The following LRMDA variants were observed in gnomAD, a reference collection of about 807,000 sequenced individuals.
The protein encoded by LRMDA is leucine-rich melanocyte differentiation-associated protein.
In LRMDA, 18 loss-of-function variants were observed where a neutral mutation model predicts 29.8. The ratio of observed to expected loss-of-function variants is 0.60; its 90% confidence interval spans 0.42 to 0.90. LRMDA has a LOEUF of 0.90. LRMDA is among the 40% of genes least tolerant of loss of function. The probability of loss-of-function intolerance (pLI) is 0.00; values close to 1 mark genes in which losing one functional copy is unlikely to be tolerated. For synonymous variants in LRMDA, 125 were observed against 109.4 expected (o/e 1.14, Z -0.89); for missense variants, 273 against 273.9 (o/e 1.00, Z 0.02).
intron 6 of LRMDA, among the ~76,000 whole-genome samples, chr10:76,376,865 C>A (rs75237086): frequency 8.4e-5 from 4 of 47,384 alleles, no homozygotes; most frequent in Admixed American, 2.8e-4. Flanking sequence ...ACTTGGAAGT[C>A]TTTTTTTTTT....
chr10:76,492,612 T>C (rs1025155029), intron 6 of LRMDA, among the ~76,000 whole-genome samples: 1 of 152,058 alleles, frequency 6.6e-6, no homozygotes, highest in Admixed American at 6.6e-5. Context: ...CTTGTATTAA[T>C]TCGTTTTCAT....
intron 6 of LRMDA, among the ~76,000 whole-genome samples, chr10:76,357,379 C>T (rs756001150): frequency 6.6e-6 from 1 of 152,128 alleles, no homozygotes; most frequent in Non-Finnish European, 1.5e-5. Context: ...AGGTTGGCAG[C>T]ATGGAAATCT....
At chr10:76,197,692 G>A (rs1305819522) in intron 5 of LRMDA, among the ~76,000 whole-genome samples, 2 of 152,114 alleles carry the variant, frequency 1.3e-5, no homozygotes, top group African/African-American at 4.8e-5. Context: ...GCCAAGGAAG[G>A]CGGATCACTT....
chr10:76,314,837 T>G lies in LRMDA; in HGVS notation c.517-9564T>G, dbSNP rs932399621. Among the ~76,000 whole-genome samples the G allele has an allele frequency of 2.6e-5, 4 of 152,336 alleles. No homozygotes were observed. The South Asian group carries it at 6.2e-4, about 24-fold the overall frequency. On this transcript the variant is annotated intron_variant, in intron 5 of 6. Coordinates refer to ENST00000611255, the MANE Select transcript of LRMDA (RefSeq NM_001305581.2). ...AAAAGGCCAAAGAGATCTGAAACAC[T>G]AATTTGTCTACATCGCACAGCTAAT...
chr10:76,098,242 T>C (rs1484471236), intron 5 of LRMDA, among the ~76,000 whole-genome samples: 3 of 152,334 alleles, frequency 2.0e-5, no homozygotes, highest in African/African-American at 4.8e-5. Flanking sequence ...TCTCTACTTA[T>C]ATGTTTGGTA....
At chr10:76,384,943 C>T (rs183738514) in intron 6 of LRMDA, among the ~76,000 whole-genome samples, 3 of 152,278 alleles carry the variant, frequency 2.0e-5, no homozygotes, top group Non-Finnish European at 2.9e-5. Context: ...CAGTTCCAGA[C>T]GGCATGCTGA....
At chr10:76,397,086 G>T (rs540418539) in intron 6 of LRMDA, among the ~76,000 whole-genome samples, 22 of 152,178 alleles carry the variant, frequency 1.4e-4, no homozygotes, top group African/African-American at 5.3e-4. Flanking sequence ...TTCTCTTTTC[G>T]GTGTGTGAGC....
At position 76,559,237 on chromosome 10, in the gene LRMDA, T is replaced by C. The variant is rs1843595896; in HGVS notation, c.*1949T>C. 1 of 152,128 alleles carries C rather than the reference T, an allele frequency of 6.6e-6. No individual in the cohort carries two copies. The highest frequency in any genetic ancestry group is 2.4e-5 in the African/African-American group (1 of 41,398). The allele number at this position is 152,128 out of a possible 1,614,324, so 9.4% of individuals were successfully genotyped here. On this transcript the variant is annotated 3_prime_UTR_variant, in exon 7 of 7. Coordinates refer to ENST00000611255, the MANE Select transcript of LRMDA (RefSeq NM_001305581.2). Reference sequence around the variant, plus strand: ...GTGAACTGACCACAGAATTTTTCCATCTTTATTTTTCTTACTTGTTTACTT... The same window carrying C: ...GTGAACTGACCACAGAATTTTTCCACCTTTATTTTTCTTACTTGTTTACTT...
At chr10:75,558,496 G>C (rs889065416) in intron 2 of LRMDA, among the ~76,000 whole-genome samples, 4 of 151,948 alleles carry the variant, frequency 2.6e-5, no homozygotes, top group Non-Finnish European at 4.4e-5. Context: ...TTTGAAATGA[G>C]ATGGAGTATG....
chr10:76,381,678 C>T (rs946351089), intron 6 of LRMDA, among the ~76,000 whole-genome samples: 5 of 152,120 alleles, frequency 3.3e-5, no homozygotes, highest in African/African-American at 1.2e-4. Flanking sequence ...CTTTCTTATT[C>T]CTACCTATAC....
At chr10:75,679,758 A>G (rs1842002210) in intron 2 of LRMDA, among the ~76,000 whole-genome samples, 1 of 152,124 alleles carries the variant, frequency 6.6e-6, no homozygotes, top group East Asian at 1.9e-4. Flanking sequence ...CCACTAATTT[A>G]AAGTGTATCA....
chr10:76,132,776 T>A (rs1289995253), intron 5 of LRMDA, among the ~76,000 whole-genome samples: 1 of 151,874 alleles, frequency 6.6e-6, no homozygotes, highest in Non-Finnish European at 1.5e-5. Flanking sequence ...TCATTCTGAT[T>A]CTCAGATTTC....
At chr10:75,821,294 C>A (rs1188370830) in intron 2 of LRMDA, among the ~76,000 whole-genome samples, 1 of 152,148 alleles carries the variant, frequency 6.6e-6, no homozygotes, top group East Asian at 1.9e-4. Flanking sequence ...AATCCAATAG[C>A]ACATAAAAAA....
chr10:75,931,407 C>T (rs1256954888), intron 2 of LRMDA, among the ~76,000 whole-genome samples: 1 of 152,140 alleles, frequency 6.6e-6, no homozygotes, highest in Non-Finnish European at 1.5e-5. Context: ...ATTAAAGGCT[C>T]TCAGTCCAGA....
intron 6 of LRMDA, among the ~76,000 whole-genome samples, chr10:76,528,497 A>G (rs946433445): frequency 2.0e-5 from 3 of 152,160 alleles, no homozygotes; most frequent in Admixed American, 6.6e-5. Flanking sequence ...GTGGAATTAT[A>G]TATGATTTTT....
intron 2 of LRMDA, among the ~76,000 whole-genome samples, chr10:75,512,519 T>C (rs1845236378): frequency 6.6e-6 from 1 of 152,194 alleles, no homozygotes; most frequent in Admixed American, 6.5e-5. Context: ...ACTATTAATG[T>C]TGGACCGGGC....
chr10:76,104,717 A>C (rs143694085), intron 5 of LRMDA, among the ~76,000 whole-genome samples: 2,044 of 152,190 alleles, frequency 0.013, 17 homozygotes, highest in Non-Finnish European at 0.02. Context: ...TGCCAGGGTC[A>C]TGACAATGGG....
intron 6 of LRMDA, among the ~76,000 whole-genome samples, chr10:76,378,821 GGT>G (rs1219761012): frequency 6.8e-6 from 1 of 147,944 alleles, no homozygotes; most frequent in Non-Finnish European, 1.5e-5. Context: ...CAGGAGTATT[GGT>G]GTGTCTTTTC....
At chr10:75,600,174 C>CT (rs1315648705) in intron 2 of LRMDA, among the ~76,000 whole-genome samples, 68 of 146,516 alleles carry the variant, frequency 4.6e-4, no homozygotes, top group African/African-American at 1.9e-3. Context: ...ACCTTTTTCC[C>CT]CCCAAGTAAG....
Sources: allele counts gnomAD v4.1 joint callset (sites outside exome capture counted in the v4.1 genomes callset), GRCh38; gene constraint gnomAD v4.1.1; transcripts MANE v1.5; gene names NCBI Gene and HGNC (gene_info 2026-07-23, HGNC 2026-07-21).